The following CNBD1 variants were observed in gnomAD, a reference collection of about 807,000 sequenced individuals.
CNBD1 encodes cyclic nucleotide binding domain containing 1.
In CNBD1, 71 loss-of-function variants were observed where a neutral mutation model predicts 54.4. That is an observed-to-expected ratio of 1.30 (90% CI 1.08 to 1.59). The LOEUF (loss-of-function observed/expected upper bound fraction) is 1.59, where lower values mean the gene tolerates loss of function less well. Among genes scored for constraint, CNBD1 ranks in the 40% most tolerant of loss-of-function variants. The pLI is 0.00. For missense variants in CNBD1, 659 were observed against 518.0 expected, an observed-to-expected ratio of 1.27 and a Z score of -2.64; for synonymous variants, 182 against 170.7, an observed-to-expected ratio of 1.07 and a Z score of -0.51.
intron 4 of CNBD1, among the ~76,000 whole-genome samples, chr8:87,005,049 A>G (rs1231383054): frequency 6.6e-6 from 1 of 151,846 alleles, no homozygotes; most frequent in African/African-American, 2.4e-5. Context: ...AAGATACTTG[A>G]AGATTTTTTT....
At chr8:87,132,820 C>T (rs997758234) in intron 4 of CNBD1, among the ~76,000 whole-genome samples, 50 of 144,516 alleles carry the variant, frequency 3.5e-4, no homozygotes, top group Admixed American at 4.9e-4. Context: ...TATATATATA[C>T]ACACACATAT....
Position 86,925,482 on chromosome 8 carries a change from A to AGAGTGT in CNBD1, c.273-14113_273-14112insAGTGTG, listed in dbSNP as rs1224095733. 6.8e-3 allele frequency among the ~76,000 whole-genome samples: 964 copies of AGAGTGT among 141,790 alleles called. 9 individuals are homozygous for AGAGTGT. Among genetic ancestry groups the AGAGTGT allele is most frequent in the African/African-American group, 0.024 (898 of 37,336 alleles). The allele number at this position is 141,790 out of a possible 152,430, so 93.0% of individuals were successfully genotyped here. ...TAAAATATATACGGGCTTACCAAAA[A>AGAGTGT]GTGTGTGTGTGTGTGTGTGTGTGTG... On this transcript the variant is annotated intron_variant, in intron 3 of 10. Coordinates refer to ENST00000518476, the MANE Select transcript of CNBD1 (RefSeq NM_173538.3).
chr8:87,262,113 C>T (rs1808152742), intron 6 of CNBD1, among the ~76,000 whole-genome samples: 1 of 152,088 alleles, frequency 6.6e-6, no homozygotes, highest in South Asian at 2.1e-4. Context: ...TGGATCATGC[C>T]ACTGCATTCC....
At chr8:87,008,451 C>T (rs893628707) in intron 4 of CNBD1, among the ~76,000 whole-genome samples, 7 of 151,816 alleles carry the variant, frequency 4.6e-5, no homozygotes, top group Admixed American at 6.6e-5. Context: ...ATTTTTTGGC[C>T]GGGGTGGGTC....
intron 4 of CNBD1, among the ~76,000 whole-genome samples, chr8:86,994,216 C>G (rs950252121): frequency 6.6e-6 from 1 of 152,170 alleles, no homozygotes; most frequent in South Asian, 2.1e-4. Flanking sequence ...TCCTTCAGAC[C>G]CTTGGAGTTG....
rs545929894 is a variant in CNBD1, at chr8:86,990,279, C to T, written c.431+50525C>T. Among the ~76,000 whole-genome samples the T allele has an allele frequency of 1.1e-4, 16 of 152,240 alleles. No homozygotes were observed. The Middle Eastern group carries it at 0.017, about 162-fold the overall frequency. On this transcript the variant is annotated intron_variant, in intron 4 of 10. Coordinates refer to ENST00000518476, the MANE Select transcript of CNBD1 (RefSeq NM_173538.3). Reference sequence around the variant, plus strand: ...TACTTGAGATCTTTGCCTAGACCAGCGTCCTAGATAGTTTCTCCAATGCTT... The same window carrying T: ...TACTTGAGATCTTTGCCTAGACCAGTGTCCTAGATAGTTTCTCCAATGCTT...
intron 4 of CNBD1, among the ~76,000 whole-genome samples, chr8:87,170,032 C>A (rs770587917): frequency 6.6e-6 from 1 of 151,964 alleles, no homozygotes; most frequent in African/African-American, 2.4e-5. Flanking sequence ...AATTTTGATT[C>A]TTCTAATCCA....
At chr8:87,132,764 T>A (rs1447383615) in intron 4 of CNBD1, among the ~76,000 whole-genome samples, 1 of 147,608 alleles carries the variant, frequency 6.8e-6, no homozygotes, top group Non-Finnish European at 1.5e-5. Flanking sequence ...TATATGGAAA[T>A]ATATATATCA....
At position 87,087,862 on chromosome 8, in the gene CNBD1, A is replaced by G. The variant is rs113268764; in HGVS notation, c.432-118131A>G. ...TCTCATTTTACAGATGAGGTAATGG[A>G]GACCACAGATGCTAAATGACTTGCA... is the stretch of plus-strand genomic sequence containing the variant. On this transcript the variant is annotated intron_variant, in intron 4 of 10. Transcript: ENST00000518476. Among the ~76,000 whole-genome samples the G allele has an allele frequency of 2.4e-3, 363 of 152,270 alleles. 4 individuals are homozygous for G. Among genetic ancestry groups the G allele is most frequent in the African/African-American group, 8.3e-3 (343 of 41,558 alleles).
At chr8:87,227,019 T>C (rs1460435479) in intron 5 of CNBD1, among the ~76,000 whole-genome samples, 1 of 150,916 alleles carries the variant, frequency 6.6e-6, no homozygotes, top group Non-Finnish European at 1.5e-5. Context: ...TCTTTTGATC[T>C]TTGTTGGTTT....
At chr8:87,380,380 A>T (rs147207549) in intron 10 of CNBD1, among the ~76,000 whole-genome samples, 1,760 of 151,934 alleles carry the variant, frequency 0.012, 12 homozygotes, top group Middle Eastern at 0.017. Flanking sequence ...ACTCTGTATG[A>T]TTGTCTTTAT....
intron 4 of CNBD1, among the ~76,000 whole-genome samples, chr8:86,964,624 A>G (rs1420602754): frequency 5.9e-5 from 9 of 152,210 alleles, no homozygotes; most frequent in Admixed American, 5.9e-4. Context: ...CCCGAATCTA[A>G]ATGGGACCGT....
At chr8:87,295,518 A>G (rs887565186) in intron 8 of CNBD1, among the ~76,000 whole-genome samples, 2 of 152,052 alleles carry the variant, frequency 1.3e-5, no homozygotes, top group African/African-American at 4.8e-5. Context: ...AGATAAAATT[A>G]AACACCTTTT....
chr8:87,220,760 G>T (rs1426219783), intron 5 of CNBD1, among the ~76,000 whole-genome samples: 1 of 151,840 alleles, frequency 6.6e-6, no homozygotes, highest in Non-Finnish European at 1.5e-5. Flanking sequence ...CTGTGGTCCT[G>T]AATATATACT....
intron 4 of CNBD1, among the ~76,000 whole-genome samples, chr8:86,989,559 T>C (rs1738421487): frequency 6.6e-6 from 1 of 152,148 alleles, no homozygotes; most frequent in Admixed American, 6.5e-5. Context: ...CAAGTGATTC[T>C]CCTGTCTCAG....
At chr8:87,339,323 G>T (rs1162113391) in intron 8 of CNBD1, among the ~76,000 whole-genome samples, 2 of 144,452 alleles carry the variant, frequency 1.4e-5, no homozygotes, top group Non-Finnish European at 3.1e-5. Flanking sequence ...TCTCAGGCTT[G>T]CCCACACCAA....
chr8:87,060,937 A>G (rs752350918), intron 4 of CNBD1, among the ~76,000 whole-genome samples: 7 of 152,158 alleles, frequency 4.6e-5, no homozygotes, highest in Non-Finnish European at 8.8e-5. Flanking sequence ...AATATTCCTT[A>G]CTTTGGTCAA....
chr8:87,404,203 T>C (rs928829429), intron 2 of CNBD1, among the ~76,000 whole-genome samples: 1 of 151,832 alleles, frequency 6.6e-6, no homozygotes, highest in Non-Finnish European at 1.5e-5. Flanking sequence ...GTGGCAGGGG[T>C]AGGGAAGTGG....
At chr8:86,908,610 A>G (rs759694734) in intron 3 of CNBD1, among the ~76,000 whole-genome samples, 1 of 152,134 alleles carries the variant, frequency 6.6e-6, no homozygotes, top group Non-Finnish European at 1.5e-5. Flanking sequence ...ACATTATACC[A>G]TCTGTCAAGA....
Sources: gnomAD v4.1 joint callset for allele counts (sites outside exome capture counted in the v4.1 genomes callset) on GRCh38, gnomAD v4.1.1 for gene constraint, MANE v1.5 for transcripts, NCBI Gene and HGNC (gene_info 2026-07-23, HGNC 2026-07-21) for gene names.